ACOT1: variants seen among roughly 807,000 people sequenced by gnomAD.
ACOT1 encodes acyl-coenzyme A thioesterase 1.
A neutral mutation model predicts 15.7 loss-of-function variants in ACOT1; 8 were observed. The ratio of observed to expected loss-of-function variants is 0.51; its 90% CI spans 0.30 to 0.92. ACOT1 has a LOEUF of 0.92. Among genes scored for constraint, ACOT1 ranks in the 40% least tolerant of loss-of-function variants. ACOT1 has a pLI of 0.06. For synonymous variants in ACOT1, 67 were observed against 241.2 expected (o/e 0.28, Z 6.69); for missense variants, 151 against 539.4 (o/e 0.28, Z 7.13).
At chr14:73,509,985 T>C in the ACOT1 span, among the ~76,000 whole-genome samples, 4 of 150,454 alleles carry the variant, frequency 2.7e-5, no homozygotes, top group Non-Finnish European at 5.9e-5. Flanking sequence ...ACCATTCTCC[T>C]GCCTCAGCCT....
chr14:73,503,370 G>C, the ACOT1 span, among the ~76,000 whole-genome samples: 2 of 152,206 alleles, frequency 1.3e-5, no homozygotes, highest in Non-Finnish European at 2.9e-5. Flanking sequence ...GAAGTGACTA[G>C]CTCATTGCAG....
the ACOT1 span, among the ~76,000 whole-genome samples, chr14:73,510,748 C>G: frequency 6.6e-6 from 1 of 152,090 alleles, no homozygotes; most frequent in Non-Finnish European, 1.5e-5. Flanking sequence ...GGCTGCAGTT[C>G]TTGAGGCTGT....
the ACOT1 span, among the ~76,000 whole-genome samples, chr14:73,528,534 G>T: frequency 6.6e-6 from 1 of 152,124 alleles, no homozygotes; most frequent in South Asian, 2.1e-4. Flanking sequence ...ATCAAAAGAG[G>T]CTTGTTCTGG....
chr14:73,540,742 C>CTTTT (rs200357086), intron 1 of ACOT1, among the ~76,000 whole-genome samples: 77 of 81,184 alleles, frequency 9.5e-4, no homozygotes, highest in African/African-American at 2.9e-3. Context: ...TGTTTGCATT[C>CTTTT]TTTTTTTTTT....
chr14:73,515,430 A>G, the ACOT1 span, among the ~76,000 whole-genome samples: 2 of 152,062 alleles, frequency 1.3e-5, no homozygotes, highest in African/African-American at 2.4e-5. Flanking sequence ...CTGTAATCCC[A>G]GCACTTTGGG....
the ACOT1 span, chr14:73,495,271 T>C: frequency 1.9e-6 from 3 of 1,614,004 alleles, no homozygotes; most frequent in African/African-American, 4.0e-5. Flanking sequence ...TTAGTGGTCC[T>C]TGTTCTCCTT....
chr14:73,522,381 G>A, the ACOT1 span: 1 of 1,614,122 alleles, frequency 6.2e-7, no homozygotes, highest in South Asian at 1.1e-5. Context: ...TGTTTCAGGA[G>A]CTCCAGGTCA....
At chr14:73,514,043 C>A in the ACOT1 span, 7 of 1,614,066 alleles carry the variant, frequency 4.3e-6, no homozygotes, top group South Asian at 1.1e-5. Context: ...AGAGCCCAGG[C>A]AGTCTTCCAT....
At chr14:73,492,511 C>T in the ACOT1 span, 7,112 of 1,613,394 alleles carry the variant, frequency 4.4e-3, 22 homozygotes, top group Non-Finnish European at 4.8e-3. This position sits in a 1 kb window ranked among gnomAD's most constrained non-coding sequence, Gnocchi z 4.9. Flanking sequence ...ATGCTGTGGC[C>T]GACCAGCGAG....
At chr14:73,532,271 C>T (rs1360499952), upstream of ACOT1, among the ~76,000 whole-genome samples, 12 of 114,456 alleles carry the variant, frequency 1.0e-4, 4 homozygotes, top group Admixed American at 2.0e-4. Context: ...CAGTTCAATC[C>T]TATTTTCCCT....
At chr14:73,496,763 A>G in the ACOT1 span, 1 of 771,502 alleles carries the variant, frequency 1.3e-6, no homozygotes, top group Non-Finnish European at 2.2e-6. Flanking sequence ...ACTTGGAATC[A>G]GGTAAGAATC....
At chr14:73,523,022 G>C in the ACOT1 span, 3 of 1,613,982 alleles carry the variant, frequency 1.9e-6, no homozygotes, top group Non-Finnish European at 8.5e-7. Flanking sequence ...AGGCACACTG[G>C]AGACAGAGGC....
At chr14:73,508,309 T>A in the ACOT1 span, 1 of 1,612,364 alleles carries the variant, frequency 6.2e-7, no homozygotes, top group Non-Finnish European at 8.5e-7. Context: ...CACAGTTGGG[T>A]GAAAAAGAGT....
At chr14:73,500,161 C>G in the ACOT1 span, among the ~76,000 whole-genome samples, 1 of 152,110 alleles carries the variant, frequency 6.6e-6, no homozygotes, top group Non-Finnish European at 1.5e-5. Flanking sequence ...ACCTGGGAGG[C>G]GGAGCTTGCA....
At chr14:73,535,462 C>CTTCT (rs1888824917), upstream of ACOT1, among the ~76,000 whole-genome samples, 2 of 59,332 alleles carry the variant, frequency 3.4e-5, no homozygotes, top group Admixed American at 2.5e-4. Flanking sequence ...TTTTCTTTTT[C>CTTCT]TTCTTTCTTT....
At chr14:73,502,113 C>T in the ACOT1 span, among the ~76,000 whole-genome samples, 47 of 148,978 alleles carry the variant, frequency 3.2e-4, no homozygotes, top group Admixed American at 4.7e-4. Context: ...AGGCTGGTCT[C>T]GAACTCCTGG....
the ACOT1 span, chr14:73,522,783 A>G: frequency 6.2e-7 from 1 of 1,614,070 alleles, no homozygotes; most frequent in African/African-American, 1.3e-5. Flanking sequence ...GGACTTGAGG[A>G]ACCCAGGAAC....
At chr14:73,514,296 G>A in the ACOT1 span, 9 of 1,461,932 alleles carry the variant, frequency 6.2e-6, no homozygotes, top group South Asian at 1.1e-4. Context: ...CCACACAGTG[G>A]CCCCAGCTTG....
chr14:73,503,641 T>C, the ACOT1 span, among the ~76,000 whole-genome samples: 7 of 149,688 alleles, frequency 4.7e-5, no homozygotes, highest in African/African-American at 1.7e-4. Flanking sequence ...TATTAAAAAT[T>C]TTAAAAAATA....
Sources: gnomAD v4.1 joint callset for allele counts (sites outside exome capture counted in the v4.1 genomes callset) on GRCh38, gnomAD v4.1.1 for gene constraint, Gnocchi (gnomAD v3.1) non-coding constraint, MANE v1.5 for transcripts, NCBI Gene and HGNC (gene_info 2026-07-23, HGNC 2026-07-21) for gene names.